Variants in PID1 observed in about 807,000 individuals in gnomAD.
PID1 encodes the protein PTB-containing, cubilin and LRP1-interacting protein.
PID1 carries 10 observed loss-of-function variants against 19.1 expected under a neutral mutation model. That is an observed-to-expected ratio of 0.52 (90% CI 0.32 to 0.89). PID1 has a LOEUF of 0.89. Ranked by LOEUF, PID1 falls within the 40% of genes least tolerant of loss-of-function variation. The pLI, the probability that PID1 is intolerant of heterozygous loss-of-function variation, is 0.03. For missense variants in PID1, 248 were observed against 285.3 expected, an observed-to-expected ratio of 0.87 and a Z score of 0.94; for synonymous variants, 130 against 116.0, an observed-to-expected ratio of 1.12 and a Z score of -0.78.
At chr2:229,131,021 G>A (rs1054696198) in intron 2 of PID1, among the ~76,000 whole-genome samples, 7 of 151,964 alleles carry the variant, frequency 4.6e-5, no homozygotes, top group Non-Finnish European at 7.4e-5. Flanking sequence ...CCACCATATC[G>A]GATCAAGGTC....
chr2:229,197,522 T>C (rs115155929), intron 1 of PID1, among the ~76,000 whole-genome samples: 2,219 of 152,122 alleles, frequency 0.015, 65 homozygotes, highest in African/African-American at 0.051. Flanking sequence ...TAATCGCATA[T>C]TATGAATCAC....
At chr2:229,106,399 G>A (rs1695180042) in intron 2 of PID1, among the ~76,000 whole-genome samples, 1 of 152,178 alleles carries the variant, frequency 6.6e-6, no homozygotes, top group Non-Finnish European at 1.5e-5. Context: ...GCAAAGAACA[G>A]GGTATTTGCA....
intron 1 of PID1, among the ~76,000 whole-genome samples, chr2:229,237,476 G>A (rs1193660255): frequency 6.6e-6 from 1 of 152,124 alleles, no homozygotes; most frequent in East Asian, 1.9e-4. Flanking sequence ...TTTGATGGAA[G>A]AGATAGCAAT....
At chr2:229,168,137 T>C (rs1192619922) in intron 1 of PID1, among the ~76,000 whole-genome samples, 1 of 152,200 alleles carries the variant, frequency 6.6e-6, no homozygotes, top group Non-Finnish European at 1.5e-5. Context: ...TGAAGCCAGT[T>C]ATATAGCTTG....
chr2:229,143,581 A>C (rs180780195), intron 2 of PID1, among the ~76,000 whole-genome samples: 1 of 152,264 alleles, frequency 6.6e-6, no homozygotes, highest in East Asian at 1.9e-4. Context: ...GACCAAAAAC[A>C]AAAAGATCTT....
At chr2:229,202,156 A>G (rs968605643) in intron 1 of PID1, among the ~76,000 whole-genome samples, 1 of 152,090 alleles carries the variant, frequency 6.6e-6, no homozygotes, top group Non-Finnish European at 1.5e-5. Context: ...AGAAAAGCAC[A>G]CGTAATCCCT....
chr2:229,230,884 T>C (rs768924000), intron 1 of PID1, among the ~76,000 whole-genome samples: 7 of 152,064 alleles, frequency 4.6e-5, no homozygotes, highest in Non-Finnish European at 1.0e-4. Context: ...GTATAGAAAA[T>C]ATATTACTCA....
At chr2:229,230,707 G>GT (rs1358034173) in intron 1 of PID1, among the ~76,000 whole-genome samples, 1 of 152,092 alleles carries the variant, frequency 6.6e-6, no homozygotes, top group East Asian at 1.9e-4. Context: ...AAAGAAGTTA[G>GT]TTTTTTAATT....
chr2:229,126,106 C>T (rs76562523), intron 2 of PID1, among the ~76,000 whole-genome samples: 4,160 of 152,248 alleles, frequency 0.027, 219 homozygotes, highest in African/African-American at 0.096. Flanking sequence ...GAGTTTGCAA[C>T]ACTCCCAGAA....
intron 2 of PID1, among the ~76,000 whole-genome samples, chr2:229,082,831 C>T (rs1406424487): frequency 6.6e-6 from 1 of 152,064 alleles, no homozygotes; most frequent in Non-Finnish European, 1.5e-5. Flanking sequence ...AGCAGAAGAC[C>T]CAGTAAAGCC....
At chr2:229,143,971 A>T (rs1249671316) in intron 2 of PID1, among the ~76,000 whole-genome samples, 1 of 152,106 alleles carries the variant, frequency 6.6e-6, no homozygotes, top group Non-Finnish European at 1.5e-5. Context: ...CAGGGGGGAA[A>T]GTCACATACA....
chr2:229,046,347 A>AGTGTGTGTGT lies in PID1; in HGVS notation c.178-20249_178-20240dup, dbSNP rs35091766. On this transcript the variant is annotated intron_variant, in intron 2 of 2. Coordinates refer to ENST00000392055, the MANE Select transcript of PID1 (RefSeq NM_001100818.2). ...AACTTCAGCATCCCTAAATTAGGAA[A>AGTGTGTGTGT]GTGTGTGTGTGTGTGTGTGTGTGTG... Among the ~76,000 whole-genome samples, 299 of 141,364 alleles carry AGTGTGTGTGT rather than the reference A, an allele frequency of 2.1e-3. 3 individuals are homozygous for AGTGTGTGTGT. The highest frequency in any genetic ancestry group is 7.0e-3 in the African/African-American group (261 of 37,210). The allele number at this position is 141,364 out of a possible 152,430, so 92.7% of individuals were successfully genotyped here.
chr2:229,157,287 G>A (rs376957882), intron 1 of PID1, among the ~76,000 whole-genome samples: 310 of 152,074 alleles, frequency 2.0e-3, no homozygotes, highest in Admixed American at 7.7e-3. Context: ...AAAATTAGCC[G>A]GGCGTGATGT....
intron 2 of PID1, among the ~76,000 whole-genome samples, chr2:229,064,987 A>G (rs1205549195): frequency 3.3e-5 from 5 of 152,188 alleles, no homozygotes; most frequent in African/African-American, 4.8e-5. Flanking sequence ...ATGAGCCTGG[A>G]GTAGCCTTTT....
chr2:229,044,081 AT>A (rs927333010), intron 2 of PID1, among the ~76,000 whole-genome samples: 13 of 152,144 alleles, frequency 8.5e-5, no homozygotes, highest in African/African-American at 3.1e-4. Flanking sequence ...AGAGAACTTT[AT>A]TTTTATTGTT....
At chr2:229,108,067 C>T (rs1185310997) in intron 2 of PID1, among the ~76,000 whole-genome samples, 3 of 151,820 alleles carry the variant, frequency 2.0e-5, no homozygotes, top group Non-Finnish European at 4.4e-5. Context: ...AAAAACTGTA[C>T]ATGGTCTTGA....
chr2:229,066,327 A>C (rs1162327911), intron 2 of PID1, among the ~76,000 whole-genome samples: 1 of 152,146 alleles, frequency 6.6e-6, no homozygotes, highest in Non-Finnish European at 1.5e-5. Context: ...AATTCAATAC[A>C]AATTGCCAAA....
intron 2 of PID1, among the ~76,000 whole-genome samples, chr2:229,088,591 G>GA (rs1286501270): frequency 2.0e-5 from 3 of 152,200 alleles, no homozygotes; most frequent in South Asian, 2.1e-4. Flanking sequence ...AGTCATTAGA[G>GA]AAAAAATCTG....
chr2:229,260,164 C>T (rs994362475), intron 1 of PID1, among the ~76,000 whole-genome samples: 3 of 152,080 alleles, frequency 2.0e-5, no homozygotes, highest in African/African-American at 7.2e-5. Context: ...AAATTTAAAA[C>T]ATGTATACTC....
Sources: allele counts gnomAD v4.1 joint callset (sites outside exome capture counted in the v4.1 genomes callset), GRCh38; gene constraint gnomAD v4.1.1; transcripts MANE v1.5; gene names NCBI Gene and HGNC (gene_info 2026-07-23, HGNC 2026-07-21).